Variants in PARD3 observed in about 807,000 individuals in gnomAD.
The protein encoded by PARD3 is par-3 family cell polarity regulator.
A neutral mutation model predicts 155.4 loss-of-function variants in PARD3; 75 were observed. The ratio of observed to expected loss-of-function variants is 0.48; its 90% CI spans 0.40 to 0.58. The LOEUF (loss-of-function observed/expected upper bound fraction) is 0.58. Among genes scored for constraint, PARD3 ranks in the 20% least tolerant of loss-of-function variants. The probability of loss-of-function intolerance (pLI) is 0.00; values close to 1 mark genes in which losing one functional copy is unlikely to be tolerated. For synonymous variants in PARD3, 576 were observed against 610.5 expected (o/e 0.94, Z 0.83); for missense variants, 1,642 against 1,721.7 (o/e 0.95, Z 0.82).
chr10:34,696,288 C>A, intron 2 of PARD3, 30 bp downstream of exon 2: 1 of 1,341,140 alleles, frequency 7.5e-7, no homozygotes, highest in Non-Finnish European at 1.1e-6. Context: ...AAAATGCATT[C>A]AGAACAGGTT....
intron 22 of PARD3, among the ~76,000 whole-genome samples, chr10:34,142,948 A>C (rs1273566757): frequency 6.6e-6 from 1 of 152,222 alleles, no homozygotes; most frequent in Non-Finnish European, 1.5e-5. Flanking sequence ...TGTCTGATTA[A>C]AGAGCAAATG....
chr10:34,520,597 G>A (rs2082084902), intron 2 of PARD3, among the ~76,000 whole-genome samples: 1 of 152,138 alleles, frequency 6.6e-6, no homozygotes, highest in Admixed American at 6.6e-5. Context: ...GAATAAGACA[G>A]TAAATATTTT....
chr10:34,538,367 C>A (rs1346749502), intron 2 of PARD3, among the ~76,000 whole-genome samples: 1 of 152,200 alleles, frequency 6.6e-6, no homozygotes, highest in African/African-American at 2.4e-5. Context: ...TGCAAATTTA[C>A]CAGCTGAAAT....
chr10:34,311,316 C>T lies in PARD3; in HGVS notation c.3065+5791G>A, dbSNP rs570889316. Reference sequence around the variant, plus strand: ...AGGGCCTTACTGTGTGGCCCAGGCTCGTCTCGAACTCCTGTGCCTGGAATT... The same window carrying T: ...AGGGCCTTACTGTGTGGCCCAGGCTTGTCTCGAACTCCTGTGCCTGGAATT... On this transcript the variant is annotated intron_variant, in intron 20 of 24. Transcript: ENST00000374788. Among the ~76,000 whole-genome samples, 8 of 152,120 alleles carry T rather than the reference C, an allele frequency of 5.3e-5. No individual in the cohort carries two copies. The South Asian group carries it at 8.3e-4, about 16-fold the overall frequency.
At chr10:34,225,776 T>G (rs1952568793) in intron 22 of PARD3, among the ~76,000 whole-genome samples, 1 of 152,156 alleles carries the variant, frequency 6.6e-6, no homozygotes, top group Admixed American at 6.5e-5. Context: ...GCTAAAACTG[T>G]AAAACTTCTG....
intron 2 of PARD3, among the ~76,000 whole-genome samples, chr10:34,539,281 AG>A (rs1281008288): frequency 6.6e-6 from 1 of 152,242 alleles, no homozygotes; most frequent in East Asian, 1.9e-4. Flanking sequence ...TTAAGTTTTC[AG>A]GAATTTTGCA....
At position 34,562,641 on chromosome 10, in the gene PARD3, C is replaced by CT. The variant is rs35894670; in HGVS notation, c.223-45483dup. On this transcript the variant is annotated intron_variant, in intron 2 of 24. Transcript: ENST00000374788. Reference sequence around the variant, plus strand: ...CTATCATTTATATAAATGTTAAAAACTTTTTTTTAAAACCAAGCAAAACAT... The same window carrying CT: ...CTATCATTTATATAAATGTTAAAAACTTTTTTTTTAAAACCAAGCAAAACAT... 2.6e-5 allele frequency among the ~76,000 whole-genome samples: 4 copies of CT among 151,926 alleles called. No homozygotes were observed. In the East Asian group the frequency reaches 5.8e-4, roughly 22 times the overall value.
chr10:34,505,787 T>C lies in PARD3; in HGVS notation c.403+11192A>G, dbSNP rs760247282. Among the ~76,000 whole-genome samples the C allele has an allele frequency of 7.2e-5, 11 of 152,216 alleles. 1 individual carries two copies. The highest frequency in any genetic ancestry group is 1.3e-4 in the Non-Finnish European group (9 of 68,038). On this transcript the variant is annotated intron_variant, in intron 3 of 24. Coordinates refer to ENST00000374788, the MANE Select transcript of PARD3 (RefSeq NM_001184785.2). Reference sequence around the variant, plus strand: ...TTTTTAATTTCAGGCATCACAGAGATGCAATTAAATATATGGGCCAAATGT... The same window carrying C: ...TTTTTAATTTCAGGCATCACAGAGACGCAATTAAATATATGGGCCAAATGT...
At chr10:34,309,548 CAAA>C (rs1173904388) in intron 20 of PARD3, among the ~76,000 whole-genome samples, 1 of 64,028 alleles carries the variant, frequency 1.6e-5, no homozygotes, top group Admixed American at 2.4e-4. Flanking sequence ...ACCCTGTCTC[CAAA>C]AAAAAAAAAA....
In PARD3 at chr10:34,360,226, C is replaced by T. The variant is rs1257011920; in HGVS notation, c.1741G>A (p.Asp581Asn). 6.2e-7 allele frequency: 1 copy of T among 1,613,760 alleles called. No homozygotes were observed. The highest frequency in any genetic ancestry group is 8.5e-7 in the Non-Finnish European group (1 of 1,179,724). Reference protein sequence around the residue: ...AEDEDIVLTPDGTREFLTFEV... With the variant: ...AEDEDIVLTPNGTREFLTFEV... ...AATGTCAGAAATTCCCTGGTGCCATCAGGTGTAAGAACAATATCCTCATCT... is the reference window on the plus strand; with the variant it reads ...AATGTCAGAAATTCCCTGGTGCCATTAGGTGTAAGAACAATATCCTCATCT... Residue 581 changes from aspartate (D) to asparagine (N), a missense_variant, in exon 13 of 25, where the codon GAT (aspartate) becomes AAT (asparagine). Physicochemically the swap from Asp to Asn is conservative, Grantham distance 23. Transcript: ENST00000374788.
chr10:34,259,796 T>C (rs955075650), intron 22 of PARD3, among the ~76,000 whole-genome samples: 1 of 152,176 alleles, frequency 6.6e-6, no homozygotes, highest in Non-Finnish European at 1.5e-5. Flanking sequence ...AGCTAGATGG[T>C]AAAAAGGGAA....
At chr10:34,422,220 T>C (rs12247393) in intron 5 of PARD3, among the ~76,000 whole-genome samples, 18,640 of 152,128 alleles carry the variant, frequency 0.12, 3,572 homozygotes, top group African/African-American at 0.41. Flanking sequence ...GTATATTTAC[T>C]GTGTGACCTT....
At chr10:34,579,200 G>A (rs945640415) in intron 2 of PARD3, among the ~76,000 whole-genome samples, 8 of 151,738 alleles carry the variant, frequency 5.3e-5, no homozygotes, top group Non-Finnish European at 1.2e-4. Context: ...AACCCAGGAG[G>A]CAGAGGTTGC....
chr10:34,196,732 C>T (rs1214454215), intron 22 of PARD3, among the ~76,000 whole-genome samples: 1 of 152,008 alleles, frequency 6.6e-6, no homozygotes, highest in African/African-American at 2.4e-5. Flanking sequence ...CGCCACCACA[C>T]TTGGCTAATT....
intron 22 of PARD3, among the ~76,000 whole-genome samples, chr10:34,260,698 T>G (rs568336238): frequency 5.9e-5 from 9 of 152,204 alleles, no homozygotes; most frequent in Non-Finnish European, 1.3e-4. Context: ...ACAATGAGAT[T>G]GACTACCTTC....
intron 21 of PARD3, among the ~76,000 whole-genome samples, chr10:34,281,687 A>G (rs1956166342): frequency 6.6e-6 from 1 of 152,216 alleles, no homozygotes; most frequent in Non-Finnish European, 1.5e-5. Context: ...TTAACATTGA[A>G]GAAAAAACAT....
At chr10:34,223,799 ATC>A (rs1467231121) in intron 22 of PARD3, among the ~76,000 whole-genome samples, 11 of 152,270 alleles carry the variant, frequency 7.2e-5, no homozygotes, top group African/African-American at 2.4e-4. Context: ...CCTTTGTAAC[ATC>A]TCTGTGAGAC....
At chr10:34,460,381 A>G (rs1162585654) in intron 4 of PARD3, among the ~76,000 whole-genome samples, 73 of 152,326 alleles carry the variant, frequency 4.8e-4, no homozygotes, top group Non-Finnish European at 5.9e-5. Flanking sequence ...TAAAAATTAA[A>G]TACAAAAGTG....
intron 20 of PARD3, among the ~76,000 whole-genome samples, chr10:34,294,312 G>T (rs1391421298): frequency 6.6e-6 from 1 of 152,128 alleles, no homozygotes; most frequent in East Asian, 1.9e-4. Context: ...ACATACATAC[G>T]TTACAGCAAC....
Sources: allele counts gnomAD v4.1 joint callset (sites outside exome capture counted in the v4.1 genomes callset), GRCh38; gene constraint gnomAD v4.1.1; transcripts MANE v1.5; gene names NCBI Gene and HGNC (gene_info 2026-07-23, HGNC 2026-07-21).